MRC1: variants seen among roughly 807,000 people sequenced by gnomAD.
MRC1 encodes macrophage mannose receptor 1.
MRC1 carries 62 observed loss-of-function variants against 102.9 expected under a neutral mutation model. The observed-to-expected ratio is 0.60, with a 90% CI of 0.49 to 0.74. The LOEUF (loss-of-function observed/expected upper bound fraction) is 0.74. Ranked by LOEUF, MRC1 falls within the 30% of genes least tolerant of loss-of-function variation. MRC1 has a pLI of 0.00. For missense variants in MRC1, 1,237 were observed against 862.8 expected (o/e 1.43, Z -5.43); for synonymous variants, 457 against 298.4 (o/e 1.53, Z -5.48).
At chr10:17,825,890 C>A (rs1413429794) in intron 2 of MRC1, among the ~76,000 whole-genome samples, 1 of 152,096 alleles carries the variant, frequency 6.6e-6, no homozygotes, top group Non-Finnish European at 1.5e-5. Context: ...CTAAGAATGG[C>A]GCAATTATTT....
At chr10:17,889,500 G>C (rs1016700834) in intron 22 of MRC1, among the ~76,000 whole-genome samples, 1 of 151,752 alleles carries the variant, frequency 6.6e-6, no homozygotes, top group African/African-American at 2.4e-5. Context: ...TCTTGGGCTC[G>C]GGCAATCCTC....
intron 21 of MRC1, among the ~76,000 whole-genome samples, chr10:17,884,671 A>T (rs1833565419): frequency 6.6e-6 from 1 of 152,218 alleles, no homozygotes; most frequent in Admixed American, 6.5e-5. Flanking sequence ...CACTATCAGG[A>T]GAACAGAATG....
intron 24 of MRC1, among the ~76,000 whole-genome samples, 174 bp from the exon 25 acceptor site, chr10:17,900,614 A>G (rs922712893): frequency 1.2e-4 from 19 of 152,212 alleles, no homozygotes; most frequent in Non-Finnish European, 1.9e-4. Flanking sequence ...GAAAGGCTGC[A>G]TGTACTGAAT....
intron 1 of MRC1, among the ~76,000 whole-genome samples, chr10:17,821,820 T>C (rs533803575): frequency 6.6e-6 from 1 of 152,182 alleles, no homozygotes; most frequent in Non-Finnish European, 1.5e-5. Context: ...AATTATTTAA[T>C]TAAAAATAAT....
chr10:17,824,674 A>G (rs1838446626), intron 2 of MRC1, among the ~76,000 whole-genome samples: 1 of 152,156 alleles, frequency 6.6e-6, no homozygotes, highest in Non-Finnish European at 1.5e-5. Context: ...CTCAACAGAA[A>G]ATTACAAGGA....
chr10:17,875,029 C>T (rs1833410605), intron 16 of MRC1, 61 bp from the exon 17 acceptor site: 3 of 780,392 alleles, frequency 3.8e-6, no homozygotes, highest in African/African-American at 3.4e-5. Flanking sequence ...GTGTGCTGTA[C>T]ACACCAGATT....
chr10:17,861,682 C>A (rs1420055406), intron 10 of MRC1, among the ~76,000 whole-genome samples, 180 bp downstream of exon 10: 1 of 151,892 alleles, frequency 6.6e-6, no homozygotes, highest in Non-Finnish European at 1.5e-5. Context: ...CATTACAAAC[C>A]GTTTTTGCTA....
intron 6 of MRC1, among the ~76,000 whole-genome samples, chr10:17,848,746 T>C (rs1466584309): frequency 1.3e-5 from 2 of 152,152 alleles, no homozygotes; most frequent in African/African-American, 4.8e-5. Flanking sequence ...TTACCGCAAA[T>C]TCAGGTTTTA....
chr10:17,833,243 G>T (rs938959413), intron 3 of MRC1, among the ~76,000 whole-genome samples: 6 of 152,008 alleles, frequency 3.9e-5, no homozygotes, highest in African/African-American at 1.5e-4. Flanking sequence ...AAAACAGTCC[G>T]GGCATAGTAG....
At chr10:17,900,465 A>G (rs1443633940) in intron 24 of MRC1, among the ~76,000 whole-genome samples, 1 of 152,134 alleles carries the variant, frequency 6.6e-6, no homozygotes, top group Non-Finnish European at 1.5e-5. Context: ...TTATGAAGAT[A>G]AAACTTCTCT....
At chr10:17,822,335 T>C (rs1374076880) in intron 1 of MRC1, among the ~76,000 whole-genome samples, 1 of 152,238 alleles carries the variant, frequency 6.6e-6, no homozygotes, top group Non-Finnish European at 1.5e-5. Context: ...TACAAAATCC[T>C]ATTCTAGTCT....
chr10:17,881,310 C>A (rs936186839), intron 21 of MRC1, 129 bp downstream of exon 21: 7 of 688,198 alleles, frequency 1.0e-5, no homozygotes, highest in South Asian at 1.7e-5. Context: ...TGGAAAAAAT[C>A]AAATGCTTAT....
At chr10:17,870,166 C>T in intron 12 of MRC1, 80 bp from the exon 13 acceptor site, 1 of 727,244 alleles carries the variant, frequency 1.4e-6, no homozygotes, top group Non-Finnish European at 2.5e-6. Flanking sequence ...AATGAACTCT[C>T]ATCAAAAGTA....
chr10:17,827,148 T>C (rs1838488563), intron 2 of MRC1, among the ~76,000 whole-genome samples: 1 of 151,942 alleles, frequency 6.6e-6, no homozygotes, highest in African/African-American at 2.4e-5. Context: ...TGAGTTATTA[T>C]TACCACTTTA....
intron 5 of MRC1, 177 bp from the exon 6 acceptor site, chr10:17,845,112 G>T: frequency 1.3e-6 from 1 of 778,038 alleles, no homozygotes; most frequent in Non-Finnish European, 2.4e-6. Flanking sequence ...GAAAACAATA[G>T]ACACCCATCG....
Position 17,910,410 on chromosome 10 carries a change from G to C in MRC1, c.4316G>C (p.Ser1439Thr). ...AACAGTCAGTCAAGCCCAGGAACTA[G>C]TGATATGAAAGATCTCGTGGGCAAT... ...YFNSQSSPGT[S>T]DMKDLVGNIE... Residue 1439 changes from serine to threonine, a missense_variant, in exon 30 of 30, where the codon AGT (serine) becomes ACT (threonine). Transcript: ENST00000569591. 1.3e-6 allele frequency: 1 copy of C among 780,814 alleles called. No individual in the cohort carries two copies. The highest frequency in any genetic ancestry group is 2.4e-5 in the East Asian group (1 of 41,252). 48.4% of individuals were successfully genotyped at this position (780,814 alleles called of 1,614,324 possible).
chr10:17,863,493 G>A (rs1292880581), intron 10 of MRC1, 41 bp from the exon 11 acceptor site: 3 of 780,006 alleles, frequency 3.8e-6, no homozygotes, highest in African/African-American at 1.7e-5. Context: ...TGGCATAAAT[G>A]TTTCAAAAAC....
chr10:17,812,567 C>CTT (rs879229292), intron 1 of MRC1, among the ~76,000 whole-genome samples: 129 of 79,890 alleles, frequency 1.6e-3, no homozygotes, highest in East Asian at 2.6e-3. Flanking sequence ...CAACAGTAGG[C>CTT]TTTTTTTTTT....
chr10:17,870,779 A>G (rs1833343822), intron 13 of MRC1, 69 bp from the exon 14 acceptor site: 1 of 849,016 alleles, frequency 1.2e-6, no homozygotes, highest in Non-Finnish European at 2.1e-6. Flanking sequence ...AAATGTGGTT[A>G]GTCCTCATAA....
Sources: gnomAD v4.1 joint callset for allele counts (sites outside exome capture counted in the v4.1 genomes callset) on GRCh38, gnomAD v4.1.1 for gene constraint, MANE v1.5 for transcripts, NCBI Gene and HGNC (gene_info 2026-07-23, HGNC 2026-07-21) for gene names.